DOCK2: variants seen among roughly 807,000 people sequenced by gnomAD.
The protein encoded by DOCK2 is dedicator of cytokinesis protein 2.
DOCK2 carries 87 observed loss-of-function variants against 248.9 expected under a neutral mutation model. The observed-to-expected ratio is 0.35, with a 90% CI of 0.29 to 0.42. The LOEUF (loss-of-function observed/expected upper bound fraction) is 0.42. Ranked by LOEUF, DOCK2 falls within the 10% of genes least tolerant of loss-of-function variation. The pLI, the probability that DOCK2 is intolerant of heterozygous loss-of-function variation, is 1.00. For missense variants in DOCK2, 1,747 were observed against 2,300.2 expected (o/e 0.76, Z 4.92); for synonymous variants, 805 against 821.6 (o/e 0.98, Z 0.35).
chr5:170,018,203 A>G (rs114498912), intron 32 of DOCK2, among the ~76,000 whole-genome samples: 2,839 of 152,302 alleles, frequency 0.019, 35 homozygotes, highest in Middle Eastern at 0.048. Flanking sequence ...TCCCAGAGGA[A>G]GGAGTGTTTA....
chr5:170,070,128 C>G (rs961781098), intron 46 of DOCK2, among the ~76,000 whole-genome samples: 5 of 152,256 alleles, frequency 3.3e-5, no homozygotes, highest in Non-Finnish European at 5.9e-5. Flanking sequence ...TCTGGGCTCT[C>G]AGCAAACCAC....
intron 27 of DOCK2, among the ~76,000 whole-genome samples, chr5:169,862,566 T>A (rs765720250): frequency 2.0e-5 from 3 of 152,228 alleles, no homozygotes; most frequent in Non-Finnish European, 4.4e-5. Flanking sequence ...TGTGGCTTCT[T>A]AAGTATGACA....
intron 32 of DOCK2, 135 bp from the exon 33 acceptor site, chr5:170,018,825 G>T (rs1412131196): frequency 6.0e-6 from 7 of 1,172,432 alleles, no homozygotes; most frequent in Non-Finnish European, 8.3e-6. Flanking sequence ...CCTGGCTCAT[G>T]GTAAACAACT....
At chr5:170,034,657 AG>A in intron 35 of DOCK2, 102 bp downstream of exon 35, 1 of 1,468,726 alleles carries the variant, frequency 6.8e-7, no homozygotes, top group South Asian at 1.3e-5. Flanking sequence ...GCAGTGCTTA[AG>A]GGCTTTGGAA....
intron 25 of DOCK2, among the ~76,000 whole-genome samples, chr5:169,786,390 T>G (rs1765980563): frequency 6.6e-6 from 1 of 152,182 alleles, no homozygotes; most frequent in Admixed American, 6.5e-5. Context: ...GTTTTCCTGC[T>G]GGAATGTGTG....
chr5:169,982,703 C>T (rs1258261290), intron 27 of DOCK2, among the ~76,000 whole-genome samples: 1 of 152,192 alleles, frequency 6.6e-6, no homozygotes, highest in Non-Finnish European at 1.5e-5. Flanking sequence ...AAGGAGCCAC[C>T]TGATTCTTTT....
chr5:169,702,094 A>G (rs1561615309), intron 13 of DOCK2: 2 of 417,106 alleles, frequency 4.8e-6, no homozygotes, highest in Non-Finnish European at 8.3e-6. Flanking sequence ...CCTTTTTGCA[A>G]CTGATTTCCT....
intron 36 of DOCK2, among the ~76,000 whole-genome samples, chr5:170,039,775 CG>C (rs1756452101): frequency 6.6e-6 from 1 of 152,164 alleles, no homozygotes; most frequent in African/African-American, 2.4e-5. Flanking sequence ...TGGAGATACC[CG>C]AGAAACCCTG....
intron 33 of DOCK2, among the ~76,000 whole-genome samples, chr5:170,021,929 AG>A (rs1755742684): frequency 6.6e-6 from 1 of 152,112 alleles, no homozygotes; most frequent in African/African-American, 2.4e-5. Context: ...TGGTGTGCAA[AG>A]TGGCATTAGT....
At chr5:169,716,799 C>T (rs1561631198) in intron 20 of DOCK2, among the ~76,000 whole-genome samples, 1 of 152,172 alleles carries the variant, frequency 6.6e-6, no homozygotes, top group Non-Finnish European at 1.5e-5. Context: ...TGTCCTCTCC[C>T]TATCTCGACT....
chr5:169,648,910 T>A (rs1235121729), intron 1 of DOCK2, among the ~76,000 whole-genome samples: 1 of 152,228 alleles, frequency 6.6e-6, no homozygotes, highest in Admixed American at 6.5e-5. Flanking sequence ...CCTCATTTGC[T>A]GCTGACTAGC....
chr5:169,957,785 G>T (rs776800022), intron 27 of DOCK2, among the ~76,000 whole-genome samples: 1 of 152,168 alleles, frequency 6.6e-6, no homozygotes, highest in Non-Finnish European at 1.5e-5. Context: ...CCCAAAAGCT[G>T]GTAGAGCTCC....
intron 25 of DOCK2, among the ~76,000 whole-genome samples, chr5:169,793,036 G>A (rs1373765394): frequency 6.6e-6 from 1 of 152,188 alleles, no homozygotes; most frequent in Non-Finnish European, 1.5e-5. Flanking sequence ...CTTTCAGAAG[G>A]CGTGATGATA....
chr5:170,051,240 A>C (rs1489903213), intron 41 of DOCK2, among the ~76,000 whole-genome samples: 1 of 152,198 alleles, frequency 6.6e-6, no homozygotes, highest in African/African-American at 2.4e-5. Flanking sequence ...TTGCCATCAT[A>C]ATAAAATCAA....
intron 27 of DOCK2, among the ~76,000 whole-genome samples, chr5:169,934,354 G>A (rs554256381): frequency 4.7e-4 from 71 of 152,230 alleles, no homozygotes; most frequent in Admixed American, 1.4e-3. Context: ...CCCCGGAGTG[G>A]ATCATAGCCA....
intron 27 of DOCK2, among the ~76,000 whole-genome samples, chr5:169,919,219 G>A (rs907606918): frequency 1.3e-5 from 2 of 152,176 alleles, no homozygotes; most frequent in African/African-American, 4.8e-5. Context: ...GAGGCCTTGA[G>A]AAGCTGCATA....
intron 26 of DOCK2, among the ~76,000 whole-genome samples, chr5:169,808,535 C>A (rs1767544113): frequency 6.6e-6 from 1 of 152,000 alleles, no homozygotes; most frequent in Non-Finnish European, 1.5e-5. Context: ...ATGAAAGGGA[C>A]CAGCTCAGGT....
intron 1 of DOCK2, among the ~76,000 whole-genome samples, chr5:169,649,846 C>T (rs264877): frequency 0.44 from 67,321 of 151,390 alleles, 15,458 homozygotes; most frequent in East Asian, 0.53. Flanking sequence ...CTCTGTCACC[C>T]GGGCTGGAGT....
At position 169,673,081 on chromosome 5, in the gene DOCK2, G is replaced by T. The variant is rs563857278; in HGVS notation, c.322-1216G>T. Among the ~76,000 whole-genome samples the T allele has an allele frequency of 3.0e-4, 46 of 152,222 alleles. 2 individuals are homozygous for T. In the South Asian group the frequency reaches 9.3e-3, roughly 31 times the overall value. Reference sequence around the variant, plus strand: ...ATTGATTAAATTATTGGCTATTGGTGCTTGAGCTCAATCCTCAGTCCCCCT... The same window carrying T: ...ATTGATTAAATTATTGGCTATTGGTTCTTGAGCTCAATCCTCAGTCCCCCT... On this transcript the variant is annotated intron_variant, in intron 5 of 51. Transcript: ENST00000520908.
Sources: gnomAD v4.1 joint callset for allele counts (sites outside exome capture counted in the v4.1 genomes callset) on GRCh38, gnomAD v4.1.1 for gene constraint, MANE v1.5 for transcripts, NCBI Gene and HGNC (gene_info 2026-07-23, HGNC 2026-07-21) for gene names.